The following C11orf65 variants were observed in gnomAD, a reference collection of about 807,000 sequenced individuals.
The protein encoded by C11orf65 is protein MFI.
In C11orf65, 38 loss-of-function variants were observed where a neutral mutation model predicts 35.3. That is an observed-to-expected ratio of 1.08 (90% CI 0.83 to 1.41). The LOEUF is 1.41. Ranked by LOEUF, C11orf65 falls within the 40% of genes most tolerant of loss-of-function variation. The pLI is 0.00. For synonymous variants in C11orf65, 105 were observed against 114.4 expected (o/e 0.92, Z 0.53); for missense variants, 370 against 367.1 (o/e 1.01, Z -0.06).
At chr11:108,461,634 T>G in intron 1 of C11orf65, 66 bp from the exon 2 acceptor site, 1 of 1,094,212 alleles carries the variant, frequency 9.1e-7, no homozygotes, top group South Asian at 1.5e-5. Flanking sequence ...TTTTATTTAT[T>G]TATTTTTTTT....
At position 108,343,333 on chromosome 11, in the gene C11orf65, A is replaced by G; in HGVS notation, c.227-8041T>C. 1.9e-6 allele frequency: 3 copies of G among 1,614,054 alleles called. No homozygotes were observed. The highest frequency in any genetic ancestry group is 2.5e-6 in the Non-Finnish European group (3 of 1,179,924). ...TGGTGCTCATAAAAGATACAGGCCA[A>G]ATGATTTCAGTGCCTTTCAGTGCCA... On this transcript the variant is annotated intron_variant, in intron 2 of 3. Transcript: ENST00000524755.
At chr11:108,370,526 T>G (rs1463898407) in intron 2 of C11orf65, among the ~76,000 whole-genome samples, 1 of 149,560 alleles carries the variant, frequency 6.7e-6, no homozygotes, top group African/African-American at 2.5e-5. Context: ...CAATCATCAG[T>G]AGAATATTGG....
At chr11:108,427,554 C>T (rs2092920781) in intron 3 of C11orf65, among the ~76,000 whole-genome samples, 1 of 149,942 alleles carries the variant, frequency 6.7e-6, no homozygotes, top group African/African-American at 2.4e-5. Flanking sequence ...CCCGTCTCTA[C>T]TAAAAAAAAA....
intron 2 of C11orf65, among the ~76,000 whole-genome samples, chr11:108,345,136 T>TGA (rs2088161730): frequency 6.6e-6 from 1 of 152,062 alleles, no homozygotes; most frequent in Admixed American, 6.5e-5. Context: ...TTGCCAGAGA[T>TGA]GAAGTATTTG....
At chr11:108,422,442 G>A (rs1255156096) in intron 3 of C11orf65, among the ~76,000 whole-genome samples, 1 of 152,144 alleles carries the variant, frequency 6.6e-6, no homozygotes, top group Non-Finnish European at 1.5e-5. Context: ...TACGACAACA[G>A]TAGAAAAATA....
At chr11:108,350,333 G>A (rs2089032083) in intron 2 of C11orf65, among the ~76,000 whole-genome samples, 1 of 152,168 alleles carries the variant, frequency 6.6e-6, no homozygotes. Flanking sequence ...CCCCTGGGCT[G>A]AGTTAGGGAA....
chr11:108,418,174 C>G (rs1231088979), intron 3 of C11orf65, among the ~76,000 whole-genome samples: 1 of 152,084 alleles, frequency 6.6e-6, no homozygotes. Flanking sequence ...TAATACATAT[C>G]TCTCAGTAAC....
downstream of C11orf65, chr11:108,328,893 T>G: frequency 9.4e-7 from 1 of 1,060,740 alleles, no homozygotes; most frequent in Non-Finnish European, 1.4e-6. Flanking sequence ...TTTGCAATAG[T>G]TCATATAATT....
intron 3 of C11orf65, among the ~76,000 whole-genome samples, chr11:108,429,822 G>C (rs1377001191): frequency 6.6e-6 from 1 of 152,138 alleles, no homozygotes; most frequent in Non-Finnish European, 1.5e-5. Context: ...AGAAAGGAAA[G>C]AAATCCCGCA....
chr11:108,411,233 T>C (rs1265178981), intron 3 of C11orf65, among the ~76,000 whole-genome samples: 1 of 152,208 alleles, frequency 6.6e-6, no homozygotes, highest in Non-Finnish European at 1.5e-5. Flanking sequence ...AATCCATAGA[T>C]TATTTAATTT....
chr11:108,392,149 A>C (rs925393460), intron 7 of C11orf65, among the ~76,000 whole-genome samples: 1 of 152,008 alleles, frequency 6.6e-6, no homozygotes, highest in Non-Finnish European at 1.5e-5. Flanking sequence ...CTGGCTCAAG[A>C]GAACCTCTTA....
intron 6 of C11orf65, among the ~76,000 whole-genome samples, chr11:108,309,310 T>A (rs2083946816): frequency 6.6e-6 from 1 of 152,236 alleles, no homozygotes; most frequent in South Asian, 2.1e-4. Flanking sequence ...TTATTTCACT[T>A]CTCTGAACTT....
At chr11:108,359,734 T>C (rs1173393635) in intron 2 of C11orf65, among the ~76,000 whole-genome samples, 1 of 152,014 alleles carries the variant, frequency 6.6e-6, no homozygotes, top group Non-Finnish European at 1.5e-5. Flanking sequence ...AATAAAGATG[T>C]TCTTTGAAAC....
downstream of C11orf65, among the ~76,000 whole-genome samples, chr11:108,379,673 G>A (rs1347009444): frequency 1.3e-5 from 2 of 151,582 alleles, no homozygotes; most frequent in Non-Finnish European, 2.9e-5. Flanking sequence ...ATAGCTCCTG[G>A]GTTTATTTAA....
chr11:108,461,086 T>C (rs983107887), intron 2 of C11orf65, among the ~76,000 whole-genome samples: 20 of 152,072 alleles, frequency 1.3e-4, no homozygotes, highest in Non-Finnish European at 2.9e-5. Context: ...TAAAAGCTAC[T>C]GAATTGTACA....
chr11:108,439,469 C>T (rs2093116564), intron 2 of C11orf65, among the ~76,000 whole-genome samples: 1 of 152,194 alleles, frequency 6.6e-6, no homozygotes, highest in Admixed American at 6.5e-5. Context: ...AGCAATTCCA[C>T]TTCTAGACAT....
chr11:108,445,316 G>A (rs1052220106), intron 2 of C11orf65, among the ~76,000 whole-genome samples: 9 of 152,144 alleles, frequency 5.9e-5, no homozygotes, highest in African/African-American at 2.2e-4. Context: ...CCTCAAGTGG[G>A]TCCCTGACCC....
At chr11:108,432,985 T>A (rs556659736) in intron 2 of C11orf65, among the ~76,000 whole-genome samples, 11 of 152,260 alleles carry the variant, frequency 7.2e-5, no homozygotes, top group African/African-American at 2.6e-4. Context: ...TGGTCTTGGT[T>A]GGACTCATAC....
downstream of C11orf65, among the ~76,000 whole-genome samples, chr11:108,329,906 C>T (rs2086076537): frequency 6.6e-6 from 1 of 152,096 alleles, no homozygotes; most frequent in African/African-American, 2.4e-5. Context: ...CAAAAGTTAC[C>T]TATTTTGATG....
Sources: gnomAD v4.1 joint callset for allele counts (sites outside exome capture counted in the v4.1 genomes callset) on GRCh38, gnomAD v4.1.1 for gene constraint, MANE v1.5 for transcripts, NCBI Gene and HGNC (gene_info 2026-07-23, HGNC 2026-07-21) for gene names.